ARFGEF1: variants seen among roughly 807,000 people sequenced by gnomAD.
ARFGEF1 encodes brefeldin A-inhibited guanine nucleotide-exchange protein 1.
Under a neutral mutation model 231.0 loss-of-function variants are expected in ARFGEF1, and 42 were observed. The ratio of observed to expected loss-of-function variants is 0.18; its 90% CI spans 0.14 to 0.24. The LOEUF (loss-of-function observed/expected upper bound fraction) is 0.24, where lower values mean the gene tolerates loss of function less well. Among genes scored for constraint, ARFGEF1 ranks in the 10% least tolerant of loss-of-function variants. The pLI, the probability that ARFGEF1 is intolerant of heterozygous loss-of-function variation, is 1.00. For missense variants in ARFGEF1, 1,345 were observed against 2,192.0 expected (o/e 0.61, Z 7.72); for synonymous variants, 710 against 732.3 (o/e 0.97, Z 0.49).
Position 67,246,217 on chromosome 8 carries a change from T to C in ARFGEF1, c.2850+5082A>G, listed in dbSNP as rs1172902114. ...CATATTGGACAGACCTTCCAGCAGA[T>C]CAACAAAGAAACATCAGATTTAATC... is the stretch of plus-strand genomic sequence containing the variant. On this transcript the variant is annotated intron_variant, in intron 19 of 38. Coordinates refer to ENST00000262215, the MANE Select transcript of ARFGEF1 (RefSeq NM_006421.5). 1.3e-5 allele frequency among the ~76,000 whole-genome samples: 2 copies of C among 150,366 alleles called. 1 individual carries two copies. The highest frequency in any genetic ancestry group is 1.3e-4 in the Admixed American group (2 of 15,040).
Position 67,343,157 on chromosome 8 carries a change from C to A in ARFGEF1, c.124+7G>T. ...CACCCCATCCCCCGGGCCTCCTCCC[C>A]GCTCACCTAACGCCACCTCGCAAGC... On this transcript the variant is annotated splice_region_variant and intron_variant, in intron 1 of 38. Coordinates refer to ENST00000262215, the MANE Select transcript of ARFGEF1 (RefSeq NM_006421.5). The A allele has an allele frequency of 6.2e-7, 1 of 1,608,104 alleles. No individual in the cohort carries two copies. The highest frequency in any genetic ancestry group is 8.5e-7 in the Non-Finnish European group (1 of 1,178,142).
At chr8:67,330,617 T>G (rs1808057717) in intron 1 of ARFGEF1, among the ~76,000 whole-genome samples, 1 of 152,206 alleles carries the variant, frequency 6.6e-6, no homozygotes, top group African/African-American at 2.4e-5. Context: ...TAAAAACTCA[T>G]TTTTGGACAC....
chr8:67,303,266 G>C (rs1014945564), intron 1 of ARFGEF1, among the ~76,000 whole-genome samples: 1 of 152,168 alleles, frequency 6.6e-6, no homozygotes. Context: ...AAATATGTTT[G>C]TGCATTGATA....
chr8:67,179,741 C>T (rs1196105354), intron 5 of ARFGEF1: 3 of 667,672 alleles, frequency 4.5e-6, no homozygotes, highest in Non-Finnish European at 8.0e-6. Context: ...GTCAGTCCTA[C>T]CTCTACCCAT....
At chr8:67,255,061 T>C (rs1030691283) in intron 17 of ARFGEF1, among the ~76,000 whole-genome samples, 1 of 152,220 alleles carries the variant, frequency 6.6e-6, no homozygotes. Context: ...CAAAATGTTT[T>C]AGCATTATGC....
intron 22 of ARFGEF1, among the ~76,000 whole-genome samples, chr8:67,236,172 G>T (rs1839730164): frequency 6.6e-6 from 1 of 150,392 alleles, no homozygotes; most frequent in South Asian, 2.1e-4. Context: ...AAAAAAATTA[G>T]CTAGGTGTGG....
intron 29 of ARFGEF1, among the ~76,000 whole-genome samples, chr8:67,221,828 T>A (rs1839173177): frequency 6.6e-6 from 1 of 151,426 alleles, no homozygotes; most frequent in Non-Finnish European, 1.5e-5. Context: ...TTTCTTTTTT[T>A]TTTGAGATGG....
chr8:67,282,704 C>T (rs1371781882), intron 7 of ARFGEF1, among the ~76,000 whole-genome samples: 1 of 151,868 alleles, frequency 6.6e-6, no homozygotes, highest in East Asian at 1.9e-4. Flanking sequence ...AAAAATTAGC[C>T]GGGCATGGTG....
intron 37 of ARFGEF1, 39 bp downstream of exon 37, chr8:67,201,428 G>A (rs201543838): frequency 1.9e-6 from 3 of 1,580,592 alleles, no homozygotes; most frequent in African/African-American, 1.4e-5. Context: ...GCACCACGTG[G>A]CTACCTGGTC....
At position 67,343,555 on chromosome 8, in the gene ARFGEF1, G is replaced by T. The variant is rs1808762551; in HGVS notation, c.-268C>A. The stretch of plus-strand genomic sequence containing the variant: ...GGCCTCCGCTTCTCCCGGCCCGGGG[G>T]TCGCGTCCCGGCCGCCCCTCTCACT... On this transcript the variant is annotated 5_prime_UTR_variant, in exon 1 of 39. Coordinates refer to ENST00000262215, the MANE Select transcript of ARFGEF1 (RefSeq NM_006421.5). 2 of 1,132,242 alleles carry T rather than the reference G, an allele frequency of 1.8e-6. No homozygotes were observed. The highest frequency in any genetic ancestry group is 1.6e-5 in the African/African-American group (1 of 61,210). The allele number at this position is 1,132,242 out of a possible 1,614,324, so 70.1% of individuals were successfully genotyped here. A position where few individuals can be genotyped will look rare whatever the true frequency, so the allele number is the denominator to read the frequency against.
chr8:67,198,777 T>C lies in ARFGEF1; in HGVS notation c.*157A>G. On this transcript the variant is annotated 3_prime_UTR_variant, in exon 39 of 39. Transcript: ENST00000262215. Reference sequence around the variant, plus strand: ...AAAATCCACCAGCACTAAAAGGGACTGGAGTGTTGCAAGTTTGAGTAAGAC... The same window carrying C: ...AAAATCCACCAGCACTAAAAGGGACCGGAGTGTTGCAAGTTTGAGTAAGAC... The C allele has an allele frequency of 7.0e-7, 1 of 1,430,848 alleles. No individual in the cohort carries two copies. Among genetic ancestry groups the C allele is most frequent in the Non-Finnish European group, 9.1e-7 (1 of 1,096,954 alleles). 88.6% of individuals were successfully genotyped at this position (1,430,848 alleles called of 1,614,324 possible). A position where few individuals can be genotyped will look rare whatever the true frequency, so the allele number is the denominator to read the frequency against.
intron 1 of ARFGEF1, among the ~76,000 whole-genome samples, chr8:67,306,098 C>G (rs1274349560): frequency 6.6e-6 from 1 of 152,182 alleles, no homozygotes; most frequent in African/African-American, 2.4e-5. Context: ...CTAAAGGAAG[C>G]ACTTCACAAG....
At chr8:67,278,583 C>T (rs1292970088) in intron 7 of ARFGEF1, among the ~76,000 whole-genome samples, 5 of 152,168 alleles carry the variant, frequency 3.3e-5, no homozygotes, top group Non-Finnish European at 7.4e-5. Flanking sequence ...TGCAGTGGCT[C>T]ACACCTGTAA....
chr8:67,190,985 G>C (rs1836061989), intron 5 of ARFGEF1, among the ~76,000 whole-genome samples: 1 of 152,186 alleles, frequency 6.6e-6, no homozygotes, highest in African/African-American at 2.4e-5. Flanking sequence ...TGGGGTGGCT[G>C]TAAGTAGCTC....
intron 5 of ARFGEF1, chr8:67,190,837 T>G: frequency 1.9e-6 from 2 of 1,039,834 alleles, no homozygotes; most frequent in Non-Finnish European, 3.0e-6. Flanking sequence ...TAAATCTGTG[T>G]GGCCCAATAA....
At chr8:67,240,338 T>C in intron 19 of ARFGEF1, 48 bp from the exon 20 acceptor site, 1 of 1,482,428 alleles carries the variant, frequency 6.7e-7, no homozygotes, top group Non-Finnish European at 9.1e-7. Context: ...TGATAACACA[T>C]TAAAATTTCT....
intron 26 of ARFGEF1, 65 bp from the exon 27 acceptor site, chr8:67,227,374 T>C: frequency 8.1e-6 from 13 of 1,597,498 alleles, no homozygotes; most frequent in Non-Finnish European, 1.1e-5. Context: ...TTTCCCCCTT[T>C]CTTCTGTTTT....
chr8:67,233,954 G>T (rs77405075), intron 22 of ARFGEF1, among the ~76,000 whole-genome samples: 2,469 of 152,092 alleles, frequency 0.016, 69 homozygotes, highest in African/African-American at 0.057. Context: ...TCAGAATTAC[G>T]TTCATACAGT....
chr8:67,341,397 G>C (rs79420853), intron 1 of ARFGEF1, among the ~76,000 whole-genome samples: 2,336 of 149,692 alleles, frequency 0.016, 67 homozygotes, highest in African/African-American at 0.055. Context: ...GACCAGCCTG[G>C]GCGATATAGA....
Sources: gnomAD v4.1 joint callset for allele counts (sites outside exome capture counted in the v4.1 genomes callset) on GRCh38, gnomAD v4.1.1 for gene constraint, MANE v1.5 for transcripts, NCBI Gene and HGNC (gene_info 2026-07-23, HGNC 2026-07-21) for gene names.